The following ASPM variants were observed in gnomAD, a reference collection of about 807,000 sequenced individuals.
The protein encoded by ASPM is assembly factor for spindle microtubules.
In ASPM, 256 loss-of-function variants were observed where a neutral mutation model predicts 366.4. That is an observed-to-expected ratio of 0.70 (90% confidence interval 0.63 to 0.77). The LOEUF is 0.77. ASPM is among the 30% of genes least tolerant of loss of function. ASPM has a pLI of 0.00. For missense variants in ASPM, 4,146 were observed against 4,090.4 expected (o/e 1.01, Z -0.37); for synonymous variants, 1,414 against 1,342.9 (o/e 1.05, Z -1.16).
At chr1:197,121,609 G>C (rs1445738667) in intron 16 of ASPM, among the ~76,000 whole-genome samples, 2 of 152,114 alleles carry the variant, frequency 1.3e-5, no homozygotes, top group Non-Finnish European at 2.9e-5. Flanking sequence ...AGGAGGAAAG[G>C]AAGAGCTGAG....
At position 197,093,172 on chromosome 1, in the gene ASPM, G is replaced by T; in HGVS notation, c.9174C>A (p.Ile3058=). 6.2e-7 allele frequency: 1 copy of T among 1,612,420 alleles called. No homozygotes were observed. Among genetic ancestry groups the T allele is most frequent in the South Asian group, 1.1e-5 (1 of 91,048 alleles). The part of the protein sequence containing the change: ...VFLRQKSAAL[I]IQKYIRAREA... ...CCCTGGCTCGTATATATTTTTGTAT[G>T]ATCAAAGCAGCAGATTTCTGCCGAA... Residue 3058 remains isoleucine, a synonymous_variant, in exon 21 of 28, where the codon ATC becomes ATA. Transcript: ENST00000367409.
Position 197,086,855 on chromosome 1 carries a change from T to C in ASPM, c.10279A>G (p.Ile3427Val), listed in dbSNP as rs886045758. The C allele has an allele frequency of 3.8e-5, 62 of 1,611,990 alleles. No homozygotes were observed. Among genetic ancestry groups the C allele is most frequent in the Non-Finnish European group, 4.9e-5 (58 of 1,178,562 alleles). Residue 3427 changes from isoleucine to valine, a missense_variant, in exon 27 of 28, where the codon ATA (isoleucine) becomes GTA (valine). Ile to Val is a conservative substitution (Grantham distance 29). Coordinates refer to ENST00000367409, the MANE Select transcript of ASPM (RefSeq NM_018136.5). ...ILYKQKKNSS[I>V]SIPFIPETPV... ...GTTTCTGGGATAAAAGGAATGCTTA[T>C]AGAAGAATTCTTCTTTTGCTTGTAA...
rs1287383313 is a variant in ASPM at position 197,133,433 on chromosome 1, A to G, written c.2336T>C (p.Val779Ala). The G allele has an allele frequency of 6.2e-7, 1 of 1,613,968 alleles. No homozygotes were observed. The highest frequency in any genetic ancestry group is 1.7e-5 in the Admixed American group (1 of 59,996). Reference protein sequence around the residue: ...ACRLFTSEKMVKAIKKLEIEI... With the variant: ...ACRLFTSEKMAKAIKKLEIEI... ...AATTTCAAGCTTTTTAATAGCTTTA[A>G]CCATTTTTTCAGAAGTAAACAAACG... Residue 779 changes from valine (V) to alanine (A), a missense_variant, in exon 6 of 28, where the codon GTT (valine) becomes GCT (alanine). Coordinates refer to ENST00000367409, the MANE Select transcript of ASPM (RefSeq NM_018136.5).
intron 9 of ASPM, 111 bp from the exon 10 acceptor site, chr1:197,128,776 G>A: frequency 1.1e-6 from 1 of 886,132 alleles, no homozygotes; most frequent in Non-Finnish European, 1.7e-6. Context: ...AATATAAAAA[G>A]TTTCATATTA....
In ASPM at chr1:197,143,677, A is replaced by C. The variant is rs141674360; in HGVS notation, c.575T>G (p.Leu192Arg). The change falls in exon 3 of 28, where the codon CTA becomes CGA. Residue 192 changes from leucine (L) to arginine (R), a missense_variant. Coordinates refer to ENST00000367409, the MANE Select transcript of ASPM (RefSeq NM_018136.5). ...SQKVDRVRSP[L>R]QACENLAMNE... ...CATAGCCAAGTTTTCACAAGCTTGT[A>C]GTGGGCTCCTAACTCTGTCAACTTT... 8.1e-6 allele frequency: 13 copies of C among 1,613,784 alleles called. No homozygotes were observed. The highest frequency in any genetic ancestry group is 9.3e-6 in the Non-Finnish European group (11 of 1,179,934).
In ASPM at chr1:197,121,286, T is replaced by A. The variant is rs535069510; in HGVS notation, c.3870+629A>T. The stretch of plus-strand genomic sequence containing the variant: ...ATTTTCTCAGAACTTAAGAAAAAAA[T>A]TTTTTACATTAATGAAATTTTTGTA... On this transcript the variant is annotated intron_variant, in intron 16 of 27. Transcript: ENST00000367409. 5.3e-5 allele frequency among the ~76,000 whole-genome samples: 8 copies of A among 152,170 alleles called. No homozygotes were observed. In the East Asian group the frequency reaches 9.7e-4, roughly 18 times the overall value.
chr1:197,124,247 G>A lies in ASPM; in HGVS notation c.3253C>T (p.Leu1085=). ...AGATCATCAGAATGGCATGATAGTA[G>A]AGATATTGTTTTCTTTATACTCTTT... ...HTKSIKKTIS[L]LSCHSDDLIN... Residue 1085 remains leucine (L), a synonymous_variant, in exon 13 of 28, where the codon CTA becomes TTA. Transcript: ENST00000367409. 6.2e-7 allele frequency: 1 copy of A among 1,608,540 alleles called. No individual in the cohort carries two copies. Among genetic ancestry groups the A allele is most frequent in the Non-Finnish European group, 8.5e-7 (1 of 1,175,542 alleles).
chr1:197,122,253 TTTTTC>T lies in ASPM; in HGVS notation c.3642_3646del (p.Lys1215PhefsTer5). 1.2e-6 allele frequency: 2 copies of T among 1,613,298 alleles called. No individual in the cohort carries two copies. The highest frequency in any genetic ancestry group is 1.7e-6 in the Non-Finnish European group (2 of 1,179,424). On this transcript the variant is annotated frameshift_variant, in exon 15 of 28. Coordinates refer to ENST00000367409, the MANE Select transcript of ASPM (RefSeq NM_018136.5). LOFTEE classifies it high-confidence loss of function. ...AACTGCAGACCTAACCAAGTGAAAA[TTTTTC>T]TTTTCATTTTCTAGGAGCTCTTTGT...
In ASPM at chr1:197,142,475, G is replaced by A. The variant is rs571959591; in HGVS notation, c.1777C>T (p.His593Tyr). The change falls in exon 3 of 28, where the codon CAT becomes TAT. Residue 593 changes from histidine (H) to tyrosine (Y), a missense_variant. His to Tyr is a moderately conservative substitution (Grantham distance 83). Coordinates refer to ENST00000367409, the MANE Select transcript of ASPM (RefSeq NM_018136.5). The stretch of plus-strand genomic sequence containing the variant: ...CTTTTGATTTCTCGCACTTCTGTAT[G>A]TTCTGTAATTGCAACTCTCACATTT... ...DANVRVAITEHTEVREIKRIH... is the reference protein window; with the variant it reads ...DANVRVAITEYTEVREIKRIH... 1.2e-4 allele frequency: 186 copies of A among 1,613,878 alleles called. 1 individual carries two copies. The highest frequency in any genetic ancestry group is 1.5e-4 in the Non-Finnish European group (180 of 1,179,882).
chr1:197,126,036 G>A (rs936567788), intron 10 of ASPM, among the ~76,000 whole-genome samples: 3 of 152,116 alleles, frequency 2.0e-5, no homozygotes, highest in African/African-American at 7.2e-5. Flanking sequence ...TATCAAAACA[G>A]AAATTTGGTT....
chr1:197,142,205 TA>T, intron 3 of ASPM, 125 bp downstream of exon 3: 1 of 1,042,444 alleles, frequency 9.6e-7, no homozygotes, highest in Non-Finnish European at 1.4e-6. Flanking sequence ...TCACATTTGC[TA>T]AGGAAATGTA....
At chr1:197,135,892 T>C (rs1658407321) in intron 4 of ASPM, among the ~76,000 whole-genome samples, 1 of 151,748 alleles carries the variant, frequency 6.6e-6, no homozygotes, top group African/African-American at 2.4e-5. Flanking sequence ...GATGGAGGTC[T>C]CAGTGAGCTG....
chr1:197,105,190 A>G lies in ASPM; in HGVS notation c.4066-5T>C. On this transcript the variant is annotated splice_polypyrimidine_tract_variant and splice_region_variant and intron_variant, in intron 17 of 27. Coordinates refer to ENST00000367409, the MANE Select transcript of ASPM (RefSeq NM_018136.5). ...GGAATATCTTCTCCAATATCCCTGG[A>G]AAAGGTAAGAAAGGACACAAAGTAA... 1 of 1,594,356 alleles carries G rather than the reference A, an allele frequency of 6.3e-7. No homozygotes were observed. The highest frequency in any genetic ancestry group is 8.6e-7 in the Non-Finnish European group (1 of 1,163,758).
At chr1:197,127,376 T>G (rs1421847117) in intron 10 of ASPM, among the ~76,000 whole-genome samples, 1 of 152,152 alleles carries the variant, frequency 6.6e-6, no homozygotes, top group African/African-American at 2.4e-5. Context: ...CAGAGATATT[T>G]TATAAAGACC....
chr1:197,101,703 T>A lies in ASPM; in HGVS notation c.7548A>T (p.Thr2516=), dbSNP rs777839929. 1.2e-6 allele frequency: 2 copies of A among 1,612,142 alleles called. No homozygotes were observed. Among genetic ancestry groups the A allele is most frequent in the Non-Finnish European group, 1.7e-6 (2 of 1,178,998 alleles). The change falls in exon 18 of 28, where the codon ACA becomes ACT. Residue 2516 remains threonine, a synonymous_variant. Transcript: ENST00000367409. ...CTCTTTGTAATTTTGCAGCTCTATA[T>A]GTTCGATAATGTTGCTGAATTAGAA... ...ASILIQQHYR[T]YRAAKLQREN... is the part of the protein sequence containing the mutation.
chr1:197,118,924 G>T (rs1009272138), intron 16 of ASPM, among the ~76,000 whole-genome samples: 2 of 152,116 alleles, frequency 1.3e-5, no homozygotes, highest in Admixed American at 6.6e-5. Context: ...AATAACTTAT[G>T]GCAGGGATGT....
intron 22 of ASPM, 152 bp downstream of exon 22, chr1:197,091,755 T>C (rs1656791489): frequency 3.9e-6 from 3 of 776,648 alleles, no homozygotes; most frequent in Non-Finnish European, 6.1e-6. Context: ...ATCAATCTAT[T>C]TCTAACCCTC....
chr1:197,136,092 A>G (rs1658411808), intron 4 of ASPM, among the ~76,000 whole-genome samples: 1 of 152,258 alleles, frequency 6.6e-6, no homozygotes, highest in Admixed American at 6.5e-5. Context: ...TGGATTATGT[A>G]TTTAAAATAA....
chr1:197,103,409 G>A lies in ASPM; in HGVS notation c.5842C>T (p.Arg1948Cys), dbSNP rs375852743. Residue 1948 changes from arginine (R) to cysteine (C), a missense_variant, in exon 18 of 28, where the codon CGT becomes TGT. This residue lies in a region of ASPM where 3,624 missense variants were observed against 3,591.7 expected (regional missense o/e 1.01). Coordinates refer to ENST00000367409, the MANE Select transcript of ASPM (RefSeq NM_018136.5). ...GATTGAAGCACCAGTACCGCATGAC[G>A]GAGTTCAATATACTCCATACATTGC... ...RKQCMEYIELRHAVLVLQSMW... is the reference protein window; with the variant it reads ...RKQCMEYIELCHAVLVLQSMW... 56 of 1,612,948 alleles carry A rather than the reference G, an allele frequency of 3.5e-5. No individual in the cohort carries two copies. The highest frequency in any genetic ancestry group is 1.6e-4 in the Middle Eastern group (1 of 6,078).
Sources: gnomAD v4.1 joint callset for allele counts (sites outside exome capture counted in the v4.1 genomes callset) on GRCh38, gnomAD v4.1.1 for gene constraint, gnomAD v4.1.1 regional missense constraint, MANE v1.5 for transcripts, NCBI Gene and HGNC (gene_info 2026-07-23, HGNC 2026-07-21) for gene names.